Variants in KRT86 observed in about 807,000 individuals in gnomAD.
KRT86 encodes the protein keratin 86, also known as keratin, type II cuticular Hb6.
Under a neutral mutation model 41.2 loss-of-function variants are expected in KRT86, and 30 were observed. That is an observed-to-expected ratio of 0.73 (90% CI 0.54 to 0.99). KRT86 has a LOEUF of 0.99. Ranked by LOEUF, KRT86 falls within the 50% of genes least tolerant of loss-of-function variation. The pLI is 0.00. For synonymous variants in KRT86, 238 were observed against 238.1 expected, an observed-to-expected ratio of 1.00 and a Z score of 0.00; for missense variants, 561 against 571.4, an observed-to-expected ratio of 0.98 and a Z score of 0.19.
intron 2 of KRT86, among the ~76,000 whole-genome samples, chr12:52,295,359 G>C (rs968122366): frequency 6.6e-6 from 1 of 152,184 alleles, no homozygotes; most frequent in African/African-American, 2.4e-5. Flanking sequence ...TTAAGGCTCA[G>C]GTTGCATGTT....
rs979385069 is a variant in KRT86 at position 52,276,076 on chromosome 12, T to C, written c.-5+130T>C. 3.2e-6 allele frequency: 3 copies of C among 928,930 alleles called. No individual in the cohort carries two copies. The African/African-American group carries it at 5.3e-5, about 17-fold the overall frequency. 57.5% of individuals were successfully genotyped at this position (928,930 alleles called of 1,614,324 possible). A position where few individuals can be genotyped will look rare whatever the true frequency, so the allele number is the denominator to read the frequency against. On this transcript the variant is annotated intron_variant, in intron 2 of 10. Transcript: ENST00000423955. ...CTTTCTCTTAGTGAATGTCTAAGCA[T>C]ACAGCAGTGCAGCTGCATGCATATA...
At chr12:52,281,344 C>T (rs1937767359) in intron 2 of KRT86, among the ~76,000 whole-genome samples, 1 of 152,224 alleles carries the variant, frequency 6.6e-6, no homozygotes. Flanking sequence ...GCTAACTTGG[C>T]TGTGGTCATG....
rs1938402414 is a variant in KRT86 at position 52,302,165 on chromosome 12, C to T, written c.249C>T (p.Val83=). ...PSPPCITTVS[V]NESLLTPLNL... ...CCCCATGCATCACCACCGTGTCGGT[C>T]AACGAGAGCCTCCTCACGCCCCTCA... Residue 83 remains valine (V), a synonymous_variant, in exon 3 of 11, where the codon GTC becomes GTT. Coordinates refer to ENST00000423955, the MANE Select transcript of KRT86 (RefSeq NM_001320198.2). 2.1e-6 allele frequency: 3 copies of T among 1,451,410 alleles called. No individual in the cohort carries two copies. Among genetic ancestry groups the T allele is most frequent in the Admixed American group, 2.1e-5 (1 of 47,524 alleles). The allele number at this position is 1,451,410 out of a possible 1,614,324, so 89.9% of individuals were successfully genotyped here.
intron 9 of KRT86, chr12:52,306,710 T>C: frequency 3.8e-6 from 1 of 265,884 alleles, no homozygotes; most frequent in Non-Finnish European, 7.2e-6. Flanking sequence ...TAGATGACAC[T>C]ATCAACTCAT....
chr12:52,306,336 T>G (rs1015783996), intron 9 of KRT86, 56 bp downstream of exon 9: 10 of 1,611,684 alleles, frequency 6.2e-6, no homozygotes, highest in Non-Finnish European at 8.5e-6. Flanking sequence ...CAGTGTGCTC[T>G]GTCCTCACAC....
At chr12:52,301,675 A>C in intron 2 of KRT86, 2 of 261,220 alleles carry the variant, frequency 7.7e-6, no homozygotes, top group Non-Finnish European at 1.2e-5. Flanking sequence ...GTTTAGGGCA[A>C]GAGATCATAA....
chr12:52,306,378 C>T, intron 9 of KRT86, 98 bp downstream of exon 9: 2 of 1,576,246 alleles, frequency 1.3e-6, no homozygotes, highest in South Asian at 1.1e-5. Context: ...GTTTCTTAAC[C>T]TCCCCACCCT....
At chr12:52,285,839 C>T (rs1937910720) in intron 2 of KRT86, 1 of 258,320 alleles carries the variant, frequency 3.9e-6, no homozygotes, top group African/African-American at 2.2e-5. Flanking sequence ...CCTTTTGCTG[C>T]TCCATGTGAC....
intron 8 of KRT86, 38 bp downstream of exon 8, chr12:52,305,826 G>T: frequency 1.2e-6 from 2 of 1,613,880 alleles, no homozygotes; most frequent in Non-Finnish European, 1.7e-6. Context: ...AGAGACCGAG[G>T]GTCTAACCAT....
At chr12:52,286,502 C>G in intron 2 of KRT86, 1 of 1,551,790 alleles carries the variant, frequency 6.4e-7, no homozygotes, top group Non-Finnish European at 8.7e-7. Context: ...ACCTGTGAAC[C>G]CCGAAGGCTG....
chr12:52,296,853 G>C (rs11170077), intron 2 of KRT86, among the ~76,000 whole-genome samples: 30,144 of 152,224 alleles, frequency 0.2, 3,019 homozygotes, highest in Non-Finnish European at 0.22. Flanking sequence ...GCCCTCTGGA[G>C]ACCTGTAAGC....
Position 52,291,339 on chromosome 12 carries a change from C to T in KRT86, c.-4-10574C>T, listed in dbSNP as rs756665762. ...CACACGCTGTGGCTGCCGAAGCCCC[C>T]GGTGAGGCCGCGGTAGCAGGAGATG... On this transcript the variant is annotated intron_variant, in intron 2 of 10. Transcript: ENST00000423955. The T allele has an allele frequency of 5.5e-5, 86 of 1,569,100 alleles. No individual in the cohort carries two copies. The highest frequency in any genetic ancestry group is 1.9e-4 in the East Asian group (8 of 42,484).
rs755188054 is a variant in KRT86 at position 52,308,607 on chromosome 12, G to T, written c.*22G>T. On this transcript the variant is annotated 3_prime_UTR_variant, in exon 11 of 11. Transcript: ENST00000423955. ...CTAGGAGGCTGCCGCCTCCGCCAGC[G>T]CCTGTCGCCGTCACTCTCCACCCAG... 4.1e-5 allele frequency: 66 copies of T among 1,590,790 alleles called. No individual in the cohort carries two copies. The highest frequency in any genetic ancestry group is 5.1e-5 in the Non-Finnish European group (60 of 1,176,662).
chr12:52,299,946 G>A (rs905262186), intron 2 of KRT86, among the ~76,000 whole-genome samples: 2 of 152,096 alleles, frequency 1.3e-5, no homozygotes, highest in East Asian at 1.9e-4. Flanking sequence ...CTTTTAGCTC[G>A]ATGTGATCCC....
chr12:52,291,674 G>C lies in KRT86; in HGVS notation c.-4-10239G>C, dbSNP rs530968001. ...CGCCTCTCCAGAATGTGCTTTAATG[G>C]GGGAGTGGCCTGCACCCTCTTCTTT... is the stretch of plus-strand genomic sequence containing the variant. On this transcript the variant is annotated intron_variant, in intron 2 of 10. Coordinates refer to ENST00000423955, the MANE Select transcript of KRT86 (RefSeq NM_001320198.2). The C allele has an allele frequency of 1.0e-5, 7 of 689,010 alleles. No homozygotes were observed. In the South Asian group the frequency reaches 1.1e-4, roughly 11 times the overall value. 42.7% of individuals were successfully genotyped at this position (689,010 alleles called of 1,614,324 possible).
chr12:52,299,290 T>G (rs1288076461), intron 2 of KRT86, among the ~76,000 whole-genome samples: 1 of 152,268 alleles, frequency 6.6e-6, no homozygotes, highest in East Asian at 1.9e-4. Context: ...TCATTCCTTT[T>G]TATGGCTGAA....
chr12:52,308,280 C>A lies in KRT86; in HGVS notation c.1279+16C>A. On this transcript the variant is annotated intron_variant, in intron 10 of 10. Transcript: ENST00000423955. ...GTGAATGTCTGTAAGTAGTGGGGTC[C>A]GTCCCCTCCTCCCGCTGGGCGGGTC... 6.2e-7 allele frequency: 1 copy of A among 1,614,162 alleles called. No homozygotes were observed. The highest frequency in any genetic ancestry group is 2.2e-5 in the East Asian group (1 of 44,882).
In KRT86 at chr12:52,306,423, G is replaced by T; in HGVS notation, c.1247+143G>T. The T allele has an allele frequency of 2.3e-6, 3 of 1,301,880 alleles. No homozygotes were observed. The African/African-American group carries it at 4.4e-5, about 19-fold the overall frequency. 80.6% of individuals were successfully genotyped at this position (1,301,880 alleles called of 1,614,324 possible). A position where few individuals can be genotyped will look rare whatever the true frequency, so the allele number is the denominator to read the frequency against. On this transcript the variant is annotated intron_variant, in intron 9 of 10. Transcript: ENST00000423955. ...CAGGTAATTTGTGTAAGTCCTTTAA[G>T]TATGATCTAGCCCCGTTTGAGTCTC...
At chr12:52,291,059 G>A in intron 2 of KRT86, 1 of 515,004 alleles carries the variant, frequency 1.9e-6, no homozygotes. Context: ...CTGTGTAGGT[G>A]GTGGGGGTTC....
Sources: allele counts gnomAD v4.1 joint callset (sites outside exome capture counted in the v4.1 genomes callset), GRCh38; gene constraint gnomAD v4.1.1; transcripts MANE v1.5; gene names NCBI Gene and HGNC (gene_info 2026-07-23, HGNC 2026-07-21).